CYP51A1: variants seen among roughly 807,000 people sequenced by gnomAD.
CYP51A1 encodes the protein cytochrome P450 family 51 subfamily A member 1, also known as lanosterol 14-alpha demethylase.
Under a neutral mutation model 53.5 loss-of-function variants are expected in CYP51A1, and 45 were observed. The ratio of observed to expected loss-of-function variants is 0.84; its 90% CI spans 0.66 to 1.08. The LOEUF (loss-of-function observed/expected upper bound fraction) is 1.08. Among genes scored for constraint, CYP51A1 ranks in the 50% least tolerant of loss-of-function variants. The pLI is 0.00. For synonymous variants in CYP51A1, 181 were observed against 217.7 expected (o/e 0.83, Z 1.48); for missense variants, 462 against 621.7 (o/e 0.74, Z 2.73).
intron 6 of CYP51A1, 126 bp from the exon 7 acceptor site, chr7:92,123,441 C>T: frequency 2.3e-6 from 2 of 886,856 alleles, no homozygotes. Flanking sequence ...TTGACTATCA[C>T]AAGTCAAGAG....
chr7:92,126,868 A>G (rs1016100713), intron 4 of CYP51A1, among the ~76,000 whole-genome samples: 1 of 152,240 alleles, frequency 6.6e-6, no homozygotes, highest in African/African-American at 2.4e-5. Context: ...TGTAAAAGAA[A>G]ACTATAATCA....
chr7:92,119,119 G>A (rs749140711), intron 7 of CYP51A1, among the ~76,000 whole-genome samples: 49 of 152,312 alleles, frequency 3.2e-4, no homozygotes, highest in Non-Finnish European at 6.2e-4. Context: ...AGAGGAGCCA[G>A]AGCAAATTTT....
At position 92,128,877 on chromosome 7, in the gene CYP51A1, T is replaced by C; in HGVS notation, c.468+3A>G. The C allele has an allele frequency of 6.2e-7, 1 of 1,609,258 alleles. No individual in the cohort carries two copies. ...CTTTATTTATGGTAACAGTGTCACCTACTGGATTAGGCACATCGTATGCAA... is the reference window on the plus strand; with the variant it reads ...CTTTATTTATGGTAACAGTGTCACCCACTGGATTAGGCACATCGTATGCAA... On this transcript the variant is annotated splice_donor_region_variant and intron_variant, in intron 3 of 9. Coordinates refer to ENST00000003100, the MANE Select transcript of CYP51A1 (RefSeq NM_000786.4).
intron 4 of CYP51A1, among the ~76,000 whole-genome samples, chr7:92,126,851 G>A (rs1819811276): frequency 6.6e-6 from 1 of 152,170 alleles, no homozygotes; most frequent in Non-Finnish European, 1.5e-5. Context: ...TGGAATTACT[G>A]GCGATATGTA....
At chr7:92,113,906 G>T in intron 9 of CYP51A1, 63 bp from the exon 10 acceptor site, 1 of 1,121,610 alleles carries the variant, frequency 8.9e-7, no homozygotes, top group Non-Finnish European at 1.3e-6. Context: ...TTAGCCTGGG[G>T]TGATATTATC....
At position 92,123,882 on chromosome 7, in the gene CYP51A1, T is replaced by C. The variant is rs747843347; in HGVS notation, c.771-29A>G. ...TAATTAAAAGATAAAGATGATTTTC[T>C]TAAATAAAGAAATAACCTTCTAGGA... On this transcript the variant is annotated intron_variant, in intron 5 of 9. Coordinates refer to ENST00000003100, the MANE Select transcript of CYP51A1 (RefSeq NM_000786.4). 2.2e-5 allele frequency: 34 copies of C among 1,537,178 alleles called. No individual in the cohort carries two copies. In the East Asian group the frequency reaches 7.9e-4, roughly 36 times the overall value.
At chr7:92,129,907 G>GT (rs1296294733) in intron 2 of CYP51A1, among the ~76,000 whole-genome samples, 1 of 152,112 alleles carries the variant, frequency 6.6e-6, no homozygotes, top group East Asian at 1.9e-4. Flanking sequence ...GGCCCTAAAA[G>GT]TAAGAGAAAG....
At chr7:92,134,487 C>CCCACCCCTCGGGTCCCACGCGCG, upstream of CYP51A1, 1 of 1,081,890 alleles carries the variant, frequency 9.2e-7, no homozygotes, top group Middle Eastern at 2.2e-4. Context: ...TAAACCCAGC[C>CCCACCCCTCGGGTCCCACGCGCG]CCACCCCTCG....
Position 92,112,180 on chromosome 7 carries a change from A to AAAT in CYP51A1, c.*1482_*1484dup, listed in dbSNP as rs1280803524. The AAAT allele has an allele frequency of 1.3e-5, 2 of 152,250 alleles. No individual in the cohort carries two copies. Among genetic ancestry groups the AAAT allele is most frequent in the African/African-American group, 4.8e-5 (2 of 41,458 alleles). 9.4% of individuals were successfully genotyped at this position (152,250 alleles called of 1,614,324 possible). A position where few individuals can be genotyped will look rare whatever the true frequency, so the allele number is the denominator to read the frequency against. On this transcript the variant is annotated 3_prime_UTR_variant, in exon 10 of 10. Transcript: ENST00000003100. ...TTTTCAAAGAGAATTTTAATCTGAA[A>AAAT]AATTAGCAGAGATTCTGCCTTCACA...
Position 92,134,247 on chromosome 7 carries a change from A to T in CYP51A1, c.118T>A (p.Cys40Ser). The T allele has an allele frequency of 6.2e-7, 1 of 1,613,370 alleles. No individual in the cohort carries two copies. Among genetic ancestry groups the T allele is most frequent in the Non-Finnish European group, 8.5e-7 (1 of 1,179,712 alleles). The change falls in exon 1 of 10, where the codon TGC becomes AGC. Residue 40 changes from cysteine to serine, a missense_variant. By Grantham distance (112) the Cys-to-Ser change is moderately radical. Transcript: ENST00000003100. ...GNLLSMLLIA[C>S]AFTLSLVYLI... Reference sequence around the variant, plus strand: ...TAGACCAGGCTGAGGGTGAAGGCGCAGGCGATCAGCAGCATGGACAAGAGG... The same window carrying T: ...TAGACCAGGCTGAGGGTGAAGGCGCTGGCGATCAGCAGCATGGACAAGAGG...
At chr7:92,121,304 C>T (rs1193972931) in intron 7 of CYP51A1, among the ~76,000 whole-genome samples, 2 of 151,320 alleles carry the variant, frequency 1.3e-5, no homozygotes, top group African/African-American at 4.9e-5. Flanking sequence ...AAAAGTATCA[C>T]TTCACACCTA....
In CYP51A1 at chr7:92,126,427, T is replaced by C. The variant is rs1411407729; in HGVS notation, c.596A>G (p.Asn199Ser). 3 of 1,585,926 alleles carry C rather than the reference T, an allele frequency of 1.9e-6. No homozygotes were observed. Among genetic ancestry groups the C allele is most frequent in the South Asian group, 1.2e-5 (1 of 85,830 alleles). Reference sequence around the variant, plus strand: ...GAGCTCAGAAAGAGCTTCAAACACATCTAGGGAGAAAAAAAAGATTATTCT... The same window carrying C: ...GAGCTCAGAAAGAGCTTCAAACACACCTAGGGAGAAAAAAAAGATTATTCT... Reference protein sequence around the residue: ...FESWGESGEKNVFEALSELII... With the variant: ...FESWGESGEKSVFEALSELII... Residue 199 changes from asparagine (N) to serine (S), a missense_variant and splice_region_variant, in exon 5 of 10, where the codon AAT becomes AGT. Asn to Ser is a conservative substitution (Grantham distance 46). Transcript: ENST00000003100.
At chr7:92,122,239 AGAT>A (rs1819707476) in intron 7 of CYP51A1, among the ~76,000 whole-genome samples, 1 of 74,948 alleles carries the variant, frequency 1.3e-5, no homozygotes, top group African/African-American at 5.6e-5. Context: ...GCACAGATCT[AGAT>A]GATTTCACTG....
In CYP51A1 at chr7:92,128,995, T is replaced by C; in HGVS notation, c.353A>G (p.Asp118Gly). ...GKTFTYLLGS[D>G]AAALLFNSKN... The stretch of plus-strand genomic sequence containing the variant: ...ACTATTAAAAAGCAGTGCAGCAGCA[T>C]CACTCCCCAGAAGGTAAGTAAATGT... The change falls in exon 3 of 10, where the codon GAT becomes GGT. Residue 118 changes from aspartate (D) to glycine (G), a missense_variant. Transcript: ENST00000003100. 1.9e-6 allele frequency: 3 copies of C among 1,613,894 alleles called. No homozygotes were observed. Among genetic ancestry groups the C allele is most frequent in the Non-Finnish European group, 8.5e-7 (1 of 1,179,872 alleles).
At chr7:92,122,660 T>G (rs1325155748) in intron 7 of CYP51A1, among the ~76,000 whole-genome samples, 1 of 152,228 alleles carries the variant, frequency 6.6e-6, no homozygotes, top group Non-Finnish European at 1.5e-5. Flanking sequence ...AGTTGTCCTC[T>G]CTTCCTTTCC....
intron 2 of CYP51A1, among the ~76,000 whole-genome samples, chr7:92,130,569 A>G (rs995386152): frequency 2.0e-5 from 3 of 152,216 alleles, no homozygotes; most frequent in Admixed American, 6.5e-5. Flanking sequence ...CTTCAGTGAG[A>G]TGATCTTTGT....
At chr7:92,126,760 A>G (rs570936228) in intron 4 of CYP51A1, among the ~76,000 whole-genome samples, 1 of 152,346 alleles carries the variant, frequency 6.6e-6, no homozygotes, top group South Asian at 2.1e-4. Flanking sequence ...TGCATATGAC[A>G]ATAATAAGGT....
intron 4 of CYP51A1, among the ~76,000 whole-genome samples, chr7:92,127,069 C>G (rs1189797649): frequency 6.6e-6 from 1 of 152,182 alleles, no homozygotes; most frequent in Non-Finnish European, 1.5e-5. Context: ...TTTCTTGGTG[C>G]TGTAATTATA....
chr7:92,126,537 A>G, intron 4 of CYP51A1, 110 bp from the exon 5 acceptor site: 1 of 940,464 alleles, frequency 1.1e-6, no homozygotes, highest in Non-Finnish European at 1.5e-6. Context: ...TATCATCAAA[A>G]AAAGTCTGTA....
Sources: gnomAD v4.1 joint callset for allele counts (sites outside exome capture counted in the v4.1 genomes callset) on GRCh38, gnomAD v4.1.1 for gene constraint, MANE v1.5 for transcripts, NCBI Gene and HGNC (gene_info 2026-07-23, HGNC 2026-07-21) for gene names.